The following MAGI2 variants were observed in gnomAD, a reference collection of about 807,000 sequenced individuals.
The protein encoded by MAGI2 is membrane associated guanylate kinase, WW and PDZ domain containing 2.
A neutral mutation model predicts 133.3 loss-of-function variants in MAGI2; 35 were observed. The observed-to-expected ratio is 0.26, with a 90% CI of 0.20 to 0.35. The LOEUF (loss-of-function observed/expected upper bound fraction) is 0.35, where lower values mean the gene tolerates loss of function less well. MAGI2 is among the 10% of genes least tolerant of loss of function. The pLI is 1.00. For missense variants in MAGI2, 1,636 were observed against 1,863.4 expected (o/e 0.88, Z 2.25); for synonymous variants, 729 against 710.6 (o/e 1.03, Z -0.41).
At chr7:78,070,434 A>ATG (rs1814472573) in intron 21 of MAGI2, among the ~76,000 whole-genome samples, 1 of 147,900 alleles carries the variant, frequency 6.8e-6, no homozygotes, top group Non-Finnish European at 1.5e-5. Context: ...ATATGTGTAT[A>ATG]TATATATGTG....
chr7:78,791,283 CAT>C (rs2151369160), intron 2 of MAGI2, among the ~76,000 whole-genome samples: 1 of 152,092 alleles, frequency 6.6e-6, no homozygotes, highest in East Asian at 1.9e-4. Context: ...AACAAGATGA[CAT>C]TTTCTGCTTT....
intron 1 of MAGI2, among the ~76,000 whole-genome samples, chr7:79,163,936 T>G (rs1040038560): frequency 1.3e-5 from 2 of 152,100 alleles, no homozygotes; most frequent in Non-Finnish European, 2.9e-5. Flanking sequence ...TTCTTTTTTT[T>G]AGACTAAACC....
chr7:79,262,676 C>T (rs549854781), intron 1 of MAGI2, among the ~76,000 whole-genome samples: 5 of 152,278 alleles, frequency 3.3e-5, no homozygotes, highest in African/African-American at 7.2e-5. Context: ...GGGTAGGATA[C>T]GTAAAGGATA....
intron 1 of MAGI2, among the ~76,000 whole-genome samples, chr7:79,323,512 G>T (rs1839358350): frequency 6.6e-6 from 1 of 152,128 alleles, no homozygotes; most frequent in Non-Finnish European, 1.5e-5. Context: ...TGGATCTGGA[G>T]AGACCAGTTG....
chr7:78,210,174 G>C (rs1008073422), intron 10 of MAGI2, among the ~76,000 whole-genome samples: 3 of 152,072 alleles, frequency 2.0e-5, no homozygotes, highest in Non-Finnish European at 2.9e-5. Flanking sequence ...CCCCATTAGA[G>C]CATAAATTCC....
chr7:78,728,779 A>G (rs112008882), intron 2 of MAGI2, among the ~76,000 whole-genome samples: 10,288 of 127,676 alleles, frequency 0.081, 904 homozygotes, highest in Admixed American at 0.14. Flanking sequence ...TTTAGCCGGG[A>G]TGGTCTCGAT....
intron 2 of MAGI2, among the ~76,000 whole-genome samples, chr7:78,922,584 G>T (rs1423261948): frequency 6.6e-6 from 1 of 152,016 alleles, no homozygotes; most frequent in Admixed American, 6.6e-5. Context: ...TCTTAATCCA[G>T]TCTATCGTTG....
At chr7:78,387,966 A>C (rs1562928513) in intron 6 of MAGI2, among the ~76,000 whole-genome samples, 3 of 98,048 alleles carry the variant, frequency 3.1e-5, no homozygotes, top group Non-Finnish European at 7.1e-5. Flanking sequence ...ATAAATAAAT[A>C]AATAAATAAA....
chr7:78,032,929 T>C (rs1809743172), intron 21 of MAGI2, among the ~76,000 whole-genome samples: 1 of 152,024 alleles, frequency 6.6e-6, no homozygotes, highest in Non-Finnish European at 1.5e-5. Context: ...TGTGAGATCA[T>C]ATAGGGCTTC....
intron 2 of MAGI2, among the ~76,000 whole-genome samples, chr7:78,830,369 T>C (rs1393294371): frequency 6.6e-6 from 1 of 152,150 alleles, no homozygotes; most frequent in Non-Finnish European, 1.5e-5. Flanking sequence ...CCATTTTGCT[T>C]TGCTTCAGGA....
At chr7:78,763,193 C>A (rs555159031) in intron 2 of MAGI2, among the ~76,000 whole-genome samples, 2 of 152,254 alleles carry the variant, frequency 1.3e-5, no homozygotes, top group Admixed American at 1.3e-4. Flanking sequence ...ATGGAATTAG[C>A]AAATACTTTT....
At position 79,134,311 on chromosome 7, in the gene MAGI2, T is replaced by C. The variant is rs536814795; in HGVS notation, c.302-127105A>G. ...TAAAAACGCTCACAGGCATCTGTTT[T>C]GTCCACAGATTTCTCATCAAACCCT... is the stretch of plus-strand genomic sequence containing the variant. On this transcript the variant is annotated intron_variant, in intron 1 of 21. Coordinates refer to ENST00000354212, the MANE Select transcript of MAGI2 (RefSeq NM_012301.4). Among the ~76,000 whole-genome samples the C allele has an allele frequency of 3.9e-5, 6 of 152,344 alleles. No individual in the cohort carries two copies. In the East Asian group the frequency reaches 1.2e-3, roughly 29 times the overall value.
intron 4 of MAGI2, among the ~76,000 whole-genome samples, chr7:78,511,528 A>G (rs1238355608): frequency 4.0e-5 from 5 of 123,982 alleles, no homozygotes; most frequent in Non-Finnish European, 8.6e-5. Context: ...TTTGCTCACC[A>G]TCTTTTATAT....
intron 2 of MAGI2, among the ~76,000 whole-genome samples, chr7:78,718,729 A>G (rs1172864779): frequency 6.6e-6 from 1 of 152,092 alleles, no homozygotes; most frequent in East Asian, 1.9e-4. Context: ...TAAAGTACCC[A>G]ATAAATGTAG....
chr7:78,658,762 G>A (rs1309024045), intron 2 of MAGI2, among the ~76,000 whole-genome samples: 1 of 152,110 alleles, frequency 6.6e-6, no homozygotes, highest in Non-Finnish European at 1.5e-5. Context: ...ACCACAATGA[G>A]ATATTACTAT....
At chr7:79,410,854 T>C (rs1846095772) in intron 1 of MAGI2, 1 of 152,186 alleles carries the variant, frequency 6.6e-6, no homozygotes, top group Non-Finnish European at 1.5e-5. Context: ...TAAACTATAT[T>C]TTGAATTTGG....
At chr7:78,373,731 C>G (rs1794165458) in intron 6 of MAGI2, among the ~76,000 whole-genome samples, 2 of 152,076 alleles carry the variant, frequency 1.3e-5, no homozygotes, top group African/African-American at 4.8e-5. Context: ...AGCAGTTTTT[C>G]AACTCTTTTC....
intron 3 of MAGI2, among the ~76,000 whole-genome samples, chr7:78,542,455 T>C (rs1015537975): frequency 1.3e-5 from 2 of 152,000 alleles, no homozygotes; most frequent in Non-Finnish European, 2.9e-5. Context: ...ATTAATCAAA[T>C]AAATAAGTGA....
intron 6 of MAGI2, among the ~76,000 whole-genome samples, chr7:78,402,394 G>A (rs1252853938): frequency 6.6e-6 from 1 of 151,096 alleles, no homozygotes; most frequent in East Asian, 2.0e-4. Context: ...GTGTGTGTGT[G>A]TCCACCTGGG....
Sources: gnomAD v4.1 joint callset for allele counts (sites outside exome capture counted in the v4.1 genomes callset) on GRCh38, gnomAD v4.1.1 for gene constraint, MANE v1.5 for transcripts, NCBI Gene and HGNC (gene_info 2026-07-23, HGNC 2026-07-21) for gene names.